Variants in CORO2B observed in about 807,000 individuals in gnomAD.
The protein encoded by CORO2B is coronin-2B.
Under a neutral mutation model 58.8 loss-of-function variants are expected in CORO2B, and 26 were observed. The ratio of observed to expected loss-of-function variants is 0.44; its 90% CI spans 0.32 to 0.61. CORO2B has a LOEUF of 0.61. CORO2B is among the 20% of genes least tolerant of loss of function. The pLI, the probability that CORO2B is intolerant of heterozygous loss-of-function variation, is 0.04. For synonymous variants in CORO2B, 242 were observed against 253.8 expected, an observed-to-expected ratio of 0.95 and a Z score of 0.44; for missense variants, 460 against 645.1, an observed-to-expected ratio of 0.71 and a Z score of 3.11.
chr15:68,715,146 C>T (rs1421994300), intron 7 of CORO2B, 69 bp from the exon 8 acceptor site: 2 of 1,394,986 alleles, frequency 1.4e-6, no homozygotes, highest in African/African-American at 1.4e-5. Context: ...TCAGCTGGCT[C>T]CTGGGACCAG....
At chr15:68,699,488 C>T (rs945503651) in intron 3 of CORO2B, among the ~76,000 whole-genome samples, 2 of 151,592 alleles carry the variant, frequency 1.3e-5, no homozygotes, top group Non-Finnish European at 2.9e-5. Flanking sequence ...AGGGAAGGGA[C>T]ACGGGCTTGG....
intron 1 of CORO2B, among the ~76,000 whole-genome samples, chr15:68,611,015 G>C (rs1404283338): frequency 6.6e-6 from 1 of 152,174 alleles, no homozygotes; most frequent in Non-Finnish European, 1.5e-5. Flanking sequence ...AAAACAATTG[G>C]GAAACATTTC....
chr15:68,572,668 C>T, the CORO2B span, among the ~76,000 whole-genome samples: 1 of 152,102 alleles, frequency 6.6e-6, no homozygotes, highest in East Asian at 1.9e-4. Flanking sequence ...ATTTGCATTT[C>T]AAAAAAGCTC....
intron 1 of CORO2B, among the ~76,000 whole-genome samples, chr15:68,633,669 C>T (rs933182726): frequency 2.0e-5 from 3 of 152,098 alleles, no homozygotes; most frequent in Non-Finnish European, 4.4e-5. Context: ...TTTTTATACC[C>T]AAAATGATTA....
intron 1 of CORO2B, among the ~76,000 whole-genome samples, chr15:68,644,246 T>C (rs1391990061): frequency 6.6e-6 from 1 of 152,180 alleles, no homozygotes; most frequent in Middle Eastern, 3.2e-3. Context: ...CCAGATTGCT[T>C]TAATCATGTG....
chr15:68,618,020 A>G (rs1333310318), intron 1 of CORO2B, among the ~76,000 whole-genome samples: 2 of 152,224 alleles, frequency 1.3e-5, no homozygotes, highest in African/African-American at 4.8e-5. Context: ...AGAGTTGAAC[A>G]GAGTCAGTAC....
chr15:68,554,309 G>A, the CORO2B span, among the ~76,000 whole-genome samples: 2 of 152,152 alleles, frequency 1.3e-5, no homozygotes, highest in Admixed American at 1.3e-4. Flanking sequence ...GGGACGTGGA[G>A]CAGGTGGACG....
chr15:68,677,664 GA>G (rs1487880366), intron 2 of CORO2B, among the ~76,000 whole-genome samples: 2 of 152,206 alleles, frequency 1.3e-5, no homozygotes, highest in African/African-American at 4.8e-5. Context: ...AGGCCTTGGT[GA>G]CTTCGTGTTG....
intron 1 of CORO2B, among the ~76,000 whole-genome samples, chr15:68,597,627 CAA>C (rs139544672): frequency 0.037 from 5,303 of 142,386 alleles, 304 homozygotes; most frequent in African/African-American, 0.13. Flanking sequence ...TCCCCCCCAT[CAA>C]AAAAAAAAAA....
chr15:68,597,079 C>CT lies in CORO2B; in HGVS notation c.15+17815dup, dbSNP rs755518983. 7.3e-3 allele frequency among the ~76,000 whole-genome samples: 1,069 copies of CT among 146,952 alleles called. 16 individuals are homozygous for CT. The highest frequency in any genetic ancestry group is 0.024 in the African/African-American group (968 of 40,344). On this transcript the variant is annotated intron_variant, in intron 1 of 11. Coordinates refer to ENST00000261861, the MANE Select transcript of CORO2B (RefSeq NM_006091.5). ...GTATTTTGAGCAGAAGCATATATATCTTTTTTTTTTTTTCCTGCAGGGAAT... is the reference window on the plus strand; with the variant it reads ...GTATTTTGAGCAGAAGCATATATATCTTTTTTTTTTTTTTCCTGCAGGGAAT...
intron 1 of CORO2B, among the ~76,000 whole-genome samples, chr15:68,630,205 G>T (rs1288263775): frequency 2.0e-5 from 3 of 152,190 alleles, no homozygotes; most frequent in Non-Finnish European, 2.9e-5. Flanking sequence ...TCCTTTCAAG[G>T]CTCAGCAGTG....
chr15:68,631,838 C>A, intron 1 of CORO2B: 2 of 580,520 alleles, frequency 3.4e-6, no homozygotes, highest in Non-Finnish European at 2.2e-6. Context: ...CTGACACCTG[C>A]ACAAAGACAG....
At chr15:68,611,160 A>G (rs1473533374) in intron 1 of CORO2B, among the ~76,000 whole-genome samples, 1 of 152,232 alleles carries the variant, frequency 6.6e-6, no homozygotes, top group Non-Finnish European at 1.5e-5. Flanking sequence ...GATGATGGAA[A>G]AGAAGAATGC....
At chr15:68,672,906 C>T (rs1406786511) in intron 2 of CORO2B, among the ~76,000 whole-genome samples, 1 of 152,156 alleles carries the variant, frequency 6.6e-6, no homozygotes, top group Non-Finnish European at 1.5e-5. Flanking sequence ...AGAGCAGCCC[C>T]TCACATCACA....
At chr15:68,706,424 G>C (rs550597775) in intron 3 of CORO2B, among the ~76,000 whole-genome samples, 36 of 152,336 alleles carry the variant, frequency 2.4e-4, no homozygotes, top group African/African-American at 8.2e-4. Flanking sequence ...TCAAGAGCAG[G>C]CATGGGCAAG....
intron 1 of CORO2B, among the ~76,000 whole-genome samples, chr15:68,633,541 ACACACT>A (rs1452249138): frequency 2.0e-5 from 3 of 151,820 alleles, no homozygotes; most frequent in African/African-American, 7.3e-5. Context: ...ACACACACAC[ACACACT>A]CACTCCTTGG....
chr15:68,725,751 G>A, intron 11 of CORO2B, 92 bp from the exon 12 acceptor site: 1 of 1,540,410 alleles, frequency 6.5e-7, no homozygotes, highest in Non-Finnish European at 8.8e-7. Flanking sequence ...TGAGGGCACG[G>A]GCGGCAGGCA....
At chr15:68,600,353 G>T (rs1473261972) in intron 1 of CORO2B, among the ~76,000 whole-genome samples, 6 of 152,150 alleles carry the variant, frequency 3.9e-5, no homozygotes, top group Admixed American at 2.6e-4. Context: ...TGCTTGGTTT[G>T]TGAGCCAGGG....
intron 1 of CORO2B, among the ~76,000 whole-genome samples, chr15:68,588,403 CTGG>C (rs1899620384): frequency 1.3e-5 from 2 of 152,188 alleles, no homozygotes; most frequent in African/African-American, 4.8e-5. Flanking sequence ...GACAAATAAT[CTGG>C]CTATAAAAAT....
Sources: allele counts gnomAD v4.1 joint callset (sites outside exome capture counted in the v4.1 genomes callset), GRCh38; gene constraint gnomAD v4.1.1; transcripts MANE v1.5; gene names NCBI Gene and HGNC (gene_info 2026-07-23, HGNC 2026-07-21).